The following MAGI2 variants were observed in gnomAD, a reference collection of about 807,000 sequenced individuals.
MAGI2 encodes the protein membrane-associated guanylate kinase, WW and PDZ domain-containing protein 2.
Under a neutral mutation model 133.3 loss-of-function variants are expected in MAGI2, and 35 were observed. The observed-to-expected ratio is 0.26, with a 90% confidence interval of 0.20 to 0.35. The LOEUF (loss-of-function observed/expected upper bound fraction) is 0.35. Ranked by LOEUF, MAGI2 falls within the 10% of genes least tolerant of loss-of-function variation. MAGI2 has a pLI of 1.00. For missense variants in MAGI2, 1,636 were observed against 1,863.4 expected, an observed-to-expected ratio of 0.88 and a Z score of 2.25; for synonymous variants, 729 against 710.6, an observed-to-expected ratio of 1.03 and a Z score of -0.41.
chr7:78,950,788 A>G (rs567766736), intron 2 of MAGI2, among the ~76,000 whole-genome samples: 1 of 152,294 alleles, frequency 6.6e-6, no homozygotes, highest in East Asian at 1.9e-4. Context: ...GTAGCTGTCT[A>G]AAAGGCAAGG....
chr7:78,573,047 A>ATATATATG (rs1801694054), intron 3 of MAGI2, among the ~76,000 whole-genome samples: 1 of 75,338 alleles, frequency 1.3e-5, no homozygotes, highest in Non-Finnish European at 2.5e-5. Context: ...ATATATATAT[A>ATATATATG]TATATATATA....
At chr7:79,256,484 CT>C (rs1261727815) in intron 1 of MAGI2, among the ~76,000 whole-genome samples, 1 of 129,642 alleles carries the variant, frequency 7.7e-6, no homozygotes, top group East Asian at 2.5e-4. Context: ...CTCTCTCTCT[CT>C]CTTTTTTTTT....
intron 21 of MAGI2, among the ~76,000 whole-genome samples, chr7:78,054,917 T>A (rs1812411450): frequency 6.6e-6 from 1 of 152,222 alleles, no homozygotes; most frequent in South Asian, 2.1e-4. Flanking sequence ...CCTCCCAAAG[T>A]GCTGGGATTA....
At chr7:78,278,033 A>G (rs890002406) in intron 9 of MAGI2, among the ~76,000 whole-genome samples, 5 of 152,282 alleles carry the variant, frequency 3.3e-5, no homozygotes, top group Non-Finnish European at 5.9e-5. Context: ...TCAGATTGAG[A>G]AAAGTACCTT....
At chr7:79,328,136 G>A (rs1839828648) in intron 1 of MAGI2, among the ~76,000 whole-genome samples, 1 of 151,994 alleles carries the variant, frequency 6.6e-6, no homozygotes, top group Non-Finnish European at 1.5e-5. Flanking sequence ...TTGACCACAA[G>A]GAAATTTTGC....
At chr7:78,606,933 A>G (rs1284482277) in intron 3 of MAGI2, among the ~76,000 whole-genome samples, 1 of 152,132 alleles carries the variant, frequency 6.6e-6, no homozygotes, top group Non-Finnish European at 1.5e-5. Context: ...TTAAATGTAT[A>G]TTCCTTTCTC....
At chr7:79,084,334 A>T (rs1048013281) in intron 1 of MAGI2, among the ~76,000 whole-genome samples, 4 of 151,690 alleles carry the variant, frequency 2.6e-5, no homozygotes, top group African/African-American at 9.7e-5. Context: ...CATGCATTTC[A>T]GTATGTTCTG....
chr7:78,255,769 T>A, intron 10 of MAGI2, 174 bp downstream of exon 10: 1 of 692,936 alleles, frequency 1.4e-6, no homozygotes, highest in Non-Finnish European at 2.5e-6. Context: ...AGACATATTC[T>A]GAATTCAAAA....
chr7:78,110,851 G>A (rs3823793), intron 20 of MAGI2, among the ~76,000 whole-genome samples: 17,636 of 152,118 alleles, frequency 0.12, 1,251 homozygotes, highest in South Asian at 0.19. Flanking sequence ...ACACTTCTGG[G>A]CACCCCAAAG....
intron 1 of MAGI2, among the ~76,000 whole-genome samples, chr7:79,108,217 T>C (rs1443834397): frequency 6.6e-6 from 1 of 152,208 alleles, no homozygotes; most frequent in Non-Finnish European, 1.5e-5. Flanking sequence ...ATGCTGAGTG[T>C]CTCATTTCTT....
chr7:78,117,708 A>G (rs1820017331), intron 20 of MAGI2, among the ~76,000 whole-genome samples: 1 of 152,264 alleles, frequency 6.6e-6, no homozygotes, highest in South Asian at 2.1e-4. Context: ...ACTTAAAGGG[A>G]AAAAAACCTC....
At chr7:78,828,498 C>T (rs1790862339) in intron 2 of MAGI2, among the ~76,000 whole-genome samples, 1 of 152,086 alleles carries the variant, frequency 6.6e-6, no homozygotes. Flanking sequence ...AAATGCCTAA[C>T]CAGTACTCCT....
intron 2 of MAGI2, 148 bp downstream of exon 2, chr7:79,006,942 C>A: frequency 1.8e-6 from 1 of 558,418 alleles, no homozygotes. Flanking sequence ...AGCATTTGCA[C>A]TTAAAATTGC....
At chr7:78,955,653 C>G (rs544663720) in intron 2 of MAGI2, among the ~76,000 whole-genome samples, 2 of 149,170 alleles carry the variant, frequency 1.3e-5, no homozygotes, top group Non-Finnish European at 3.0e-5. Context: ...CTCTCTCTCT[C>G]TCCCTTCCTT....
intron 20 of MAGI2, among the ~76,000 whole-genome samples, chr7:78,113,361 G>A (rs2150474307): frequency 6.6e-6 from 1 of 152,234 alleles, no homozygotes; most frequent in South Asian, 2.1e-4. Context: ...AGCTTTTGTA[G>A]CCTCTTGACA....
intron 20 of MAGI2, among the ~76,000 whole-genome samples, chr7:78,085,550 CCACA>C (rs10636313): frequency 0.035 from 4,227 of 121,010 alleles, 88 homozygotes; most frequent in East Asian, 0.056. Context: ...AATAAAACTC[CCACA>C]CACACACACA....
chr7:78,415,049 A>G lies in MAGI2; in HGVS notation c.1046-45836T>C, dbSNP rs149802126. Among the ~76,000 whole-genome samples, 876 of 152,264 alleles carry G rather than the reference A, an allele frequency of 5.8e-3. 7 individuals are homozygous for G. Among genetic ancestry groups the G allele is most frequent in the African/African-American group, 0.019 (806 of 41,564 alleles). Reference sequence around the variant, plus strand: ...ATAAAAAGGTCCAACTTAGCAAGTCATGAAACTACCTATCAGTCTTTCAAA... The same window carrying G: ...ATAAAAAGGTCCAACTTAGCAAGTCGTGAAACTACCTATCAGTCTTTCAAA... On this transcript the variant is annotated intron_variant, in intron 6 of 21. Coordinates refer to ENST00000354212, the MANE Select transcript of MAGI2 (RefSeq NM_012301.4).
At chr7:79,054,799 C>T (rs562730280) in intron 1 of MAGI2, among the ~76,000 whole-genome samples, 1 of 152,228 alleles carries the variant, frequency 6.6e-6, no homozygotes, top group African/African-American at 2.4e-5. Context: ...CCCAATTTGT[C>T]CCTTTGGGAC....
At chr7:78,206,253 T>C (rs1018627698) in intron 10 of MAGI2, among the ~76,000 whole-genome samples, 1 of 151,956 alleles carries the variant, frequency 6.6e-6, no homozygotes, top group Non-Finnish European at 1.5e-5. Flanking sequence ...ATCGTCAATT[T>C]GGCATAACAC....
Sources: gnomAD v4.1 joint callset for allele counts (sites outside exome capture counted in the v4.1 genomes callset) on GRCh38, gnomAD v4.1.1 for gene constraint, MANE v1.5 for transcripts, NCBI Gene and HGNC (gene_info 2026-07-23, HGNC 2026-07-21) for gene names.